Variants in TCF4 observed in about 807,000 individuals in gnomAD.
TCF4 encodes the protein SL3-3 enhancer factor 2.
Under a neutral mutation model 82.1 loss-of-function variants are expected in TCF4, and 3 were observed. The observed-to-expected ratio is 0.04, with a 90% CI of 0.02 to 0.09. The LOEUF (loss-of-function observed/expected upper bound fraction) is 0.09, where lower values mean the gene tolerates loss of function less well. TCF4 is among the 10% of genes least tolerant of loss of function. The probability of loss-of-function intolerance (pLI) is 1.00; values close to 1 mark genes in which losing one functional copy is unlikely to be tolerated. For synonymous variants in TCF4, 276 were observed against 309.6 expected, an observed-to-expected ratio of 0.89 and a Z score of 1.14; for missense variants, 518 against 852.7, an observed-to-expected ratio of 0.61 and a Z score of 4.89.
rs186421232 is a variant in TCF4, at chr18:55,365,414, A to C, written c.370-14411T>G. ...GTAGAAGCACTGGATAAATGCCTGC[A>C]TTGCTGTCGAGTGAGAACAACTTCA... On this transcript the variant is annotated intron_variant, in intron 6 of 19. Transcript: ENST00000354452. Among the ~76,000 whole-genome samples, 134 of 151,734 alleles carry C rather than the reference A, an allele frequency of 8.8e-4. 2 individuals are homozygous for C. The highest frequency in any genetic ancestry group is 2.8e-3 in the African/African-American group (115 of 41,316).
At chr18:55,589,504 C>A, upstream of TCF4, 1 of 1,052,106 alleles carries the variant, frequency 9.5e-7, no homozygotes. Flanking sequence ...AAAACTGCAA[C>A]AAAATTCCCT....
At chr18:55,510,452 A>G (rs1162052399) in intron 3 of TCF4, 1 of 631,860 alleles carries the variant, frequency 1.6e-6, no homozygotes, top group African/African-American at 1.9e-5. Flanking sequence ...ATTTCAACCT[A>G]GAAGCCTTTG....
rs151157944 is a variant in TCF4 at position 55,258,716 on chromosome 18, T to C, written c.1069+1233A>G. Among the ~76,000 whole-genome samples, 21 of 152,220 alleles carry C rather than the reference T, an allele frequency of 1.4e-4. 1 individual carries two copies. In the East Asian group the frequency reaches 2.5e-3, roughly 18 times the overall value. ...TTTGTTTGAAATGTGGAAACTGGAGTTCCACCTGCTCAGATTCCTCTATCC... is the reference window on the plus strand; with the variant it reads ...TTTGTTTGAAATGTGGAAACTGGAGCTCCACCTGCTCAGATTCCTCTATCC... On this transcript the variant is annotated intron_variant, in intron 13 of 19. Coordinates refer to ENST00000354452, the MANE Select transcript of TCF4 (RefSeq NM_001083962.2).
chr18:55,472,694 T>C (rs548258521), intron 3 of TCF4, among the ~76,000 whole-genome samples: 49 of 152,206 alleles, frequency 3.2e-4, no homozygotes, highest in African/African-American at 1.1e-3. Flanking sequence ...ACATTGTGAA[T>C]TGCGTGAGAA....
chr18:55,441,095 T>C (rs946927282), intron 5 of TCF4, among the ~76,000 whole-genome samples: 1 of 152,210 alleles, frequency 6.6e-6, no homozygotes, highest in Non-Finnish European at 1.5e-5. Context: ...TCAGATAATA[T>C]TTGCTATGAA....
At chr18:55,318,645 T>C (rs1384064344) in intron 8 of TCF4, among the ~76,000 whole-genome samples, 1 of 152,150 alleles carries the variant, frequency 6.6e-6, no homozygotes, top group Non-Finnish European at 1.5e-5. Flanking sequence ...AAGTATTTTT[T>C]TCAGAGTCCA....
chr18:55,530,771 G>C (rs528774205), intron 3 of TCF4, among the ~76,000 whole-genome samples: 1 of 152,208 alleles, frequency 6.6e-6, no homozygotes, highest in South Asian at 2.1e-4. Flanking sequence ...AAACATTTCT[G>C]ACAGAAGTGT....
chr18:55,577,242 A>G (rs1459794406), intron 3 of TCF4, among the ~76,000 whole-genome samples: 1 of 146,682 alleles, frequency 6.8e-6, no homozygotes, highest in African/African-American at 2.5e-5. Context: ...ATATTTATAT[A>G]TGTATATACA....
intron 3 of TCF4, among the ~76,000 whole-genome samples, chr18:55,464,980 G>A (rs1329580869): frequency 1.3e-5 from 2 of 152,154 alleles, no homozygotes; most frequent in Admixed American, 6.6e-5. Flanking sequence ...TAACAGCTAA[G>A]TTACCATATT....
intron 14 of TCF4, among the ~76,000 whole-genome samples, chr18:55,256,751 C>T (rs1247875182): frequency 6.6e-6 from 1 of 152,120 alleles, no homozygotes; most frequent in African/African-American, 2.4e-5. Flanking sequence ...TGGCCCCCAC[C>T]ATCATGAGGA....
intron 15 of TCF4, among the ~76,000 whole-genome samples, chr18:55,236,834 T>C (rs1415968698): frequency 6.6e-6 from 1 of 152,212 alleles, no homozygotes; most frequent in African/African-American, 2.4e-5. Context: ...ATGGATCTAA[T>C]TTCTTGAATT....
chr18:55,321,863 T>C, intron 8 of TCF4: 1 of 1,459,808 alleles, frequency 6.9e-7, no homozygotes, highest in Non-Finnish European at 9.0e-7. Flanking sequence ...GCGTGGTGAA[T>C]ATGCAAAGCA....
At chr18:55,544,092 G>A (rs1468194739) in intron 3 of TCF4, among the ~76,000 whole-genome samples, 1 of 152,158 alleles carries the variant, frequency 6.6e-6, no homozygotes, top group Admixed American at 6.5e-5. Context: ...TTGTCAAATA[G>A]AGGATTGCTT....
intron 8 of TCF4, among the ~76,000 whole-genome samples, chr18:55,347,133 C>A (rs2081343331): frequency 6.6e-6 from 1 of 152,052 alleles, no homozygotes; most frequent in Non-Finnish European, 1.5e-5. Flanking sequence ...GATTCAAGAG[C>A]TTAGACATGC....
At chr18:55,352,509 T>A (rs184177627) in intron 6 of TCF4, among the ~76,000 whole-genome samples, 1 of 152,260 alleles carries the variant, frequency 6.6e-6, no homozygotes, top group East Asian at 1.9e-4. Context: ...AAATACAACT[T>A]CAAGGATGAG....
upstream of TCF4, among the ~76,000 whole-genome samples, chr18:55,591,581 G>A (rs1263487073): frequency 2.0e-5 from 3 of 152,166 alleles, no homozygotes; most frequent in Admixed American, 1.3e-4. Context: ...GCAATGGCAC[G>A]ATCTTGGCTC....
At chr18:55,303,218 C>T (rs1002737481) in intron 8 of TCF4, among the ~76,000 whole-genome samples, 12 of 136,634 alleles carry the variant, frequency 8.8e-5, no homozygotes, top group African/African-American at 3.3e-4. Context: ...AACCTGGCTC[C>T]CAGTACGTAC....
At chr18:55,323,305 A>C (rs762277516) in intron 8 of TCF4, among the ~76,000 whole-genome samples, 1 of 152,196 alleles carries the variant, frequency 6.6e-6, no homozygotes, top group Non-Finnish European at 1.5e-5. Context: ...TCTATTCTCA[A>C]GAATCAACTT....
chr18:55,432,719 C>G (rs779152826), intron 5 of TCF4, among the ~76,000 whole-genome samples: 1 of 152,232 alleles, frequency 6.6e-6, no homozygotes, highest in Non-Finnish European at 1.5e-5. Context: ...CTTCTAAGTG[C>G]TTTCCTAATA....
Sources: allele counts gnomAD v4.1 joint callset (sites outside exome capture counted in the v4.1 genomes callset), GRCh38; gene constraint gnomAD v4.1.1; transcripts MANE v1.5; gene names NCBI Gene and HGNC (gene_info 2026-07-23, HGNC 2026-07-21).